Variants in SLCO1C1 observed in about 807,000 individuals in gnomAD.
The protein encoded by SLCO1C1 is OAT-RP-5.
SLCO1C1 carries 70 observed loss-of-function variants against 76.4 expected under a neutral mutation model. The observed-to-expected ratio is 0.92, with a 90% CI of 0.76 to 1.12. The LOEUF is 1.12. Among genes scored for constraint, SLCO1C1 ranks in the 50% most tolerant of loss-of-function variants. The pLI, the probability that SLCO1C1 is intolerant of heterozygous loss-of-function variation, is 0.00. For missense variants in SLCO1C1, 912 were observed against 823.8 expected, an observed-to-expected ratio of 1.11 and a Z score of -1.31; for synonymous variants, 306 against 286.1, an observed-to-expected ratio of 1.07 and a Z score of -0.70.
chr12:20,742,333 G>GTTT (rs56873865), intron 12 of SLCO1C1, among the ~76,000 whole-genome samples: 35 of 145,108 alleles, frequency 2.4e-4, no homozygotes, highest in Non-Finnish European at 3.8e-4. Flanking sequence ...GAAAAGTCAT[G>GTTT]TTTTTTTTTT....
Position 20,721,893 on chromosome 12 carries a change from G to C in SLCO1C1, c.865G>C (p.Ala289Pro). 1 of 1,614,134 alleles carries C rather than the reference G, an allele frequency of 6.2e-7. No homozygotes were observed. ...LIAGIISLLA[A>P]VPFWYLPKSL... ...AGCAGGAATCATAAGTCTTCTTGCA[G>C]CTGTGCCTTTCTGGTATTTACCAAA... Residue 289 changes from alanine (A) to proline (P), a missense_variant, in exon 8 of 15, where the codon GCT becomes CCT. By Grantham distance (27) the Ala-to-Pro change is conservative (BLOSUM62 -1). Transcript: ENST00000266509.
chr12:20,701,223 T>G, intron 2 of SLCO1C1, 95 bp from the exon 3 acceptor site: 2 of 1,205,382 alleles, frequency 1.7e-6, no homozygotes, highest in Non-Finnish European at 2.2e-6. Flanking sequence ...ACATTGTTCT[T>G]TGTTGTTTGT....
intron 4 of SLCO1C1, 151 bp downstream of exon 4, chr12:20,706,232 AT>A: frequency 3.9e-6 from 4 of 1,015,466 alleles, no homozygotes; most frequent in Non-Finnish European, 5.4e-6. Flanking sequence ...TTTCACAACA[AT>A]TTTATAATTT....
At chr12:20,712,599 ATTG>A (rs1409524208) in intron 5 of SLCO1C1, among the ~76,000 whole-genome samples, 2 of 152,172 alleles carry the variant, frequency 1.3e-5, no homozygotes, top group African/African-American at 4.8e-5. Flanking sequence ...GAGGAACCAC[ATTG>A]TATACAGGCA....
chr12:20,702,600 C>T (rs949288770), intron 3 of SLCO1C1, among the ~76,000 whole-genome samples: 3 of 151,840 alleles, frequency 2.0e-5, no homozygotes, highest in Non-Finnish European at 2.9e-5. Flanking sequence ...GTTTCCAAAA[C>T]ATCTGATCAC....
intron 4 of SLCO1C1, among the ~76,000 whole-genome samples, chr12:20,707,734 G>GT (rs1946851903): frequency 6.6e-6 from 1 of 151,990 alleles, no homozygotes; most frequent in Non-Finnish European, 1.5e-5. Flanking sequence ...ACCAGCAATG[G>GT]TTTTGTCTTA....
In SLCO1C1 at chr12:20,753,335, T is replaced by G. The variant is rs1949392363; in HGVS notation, c.*807T>G. ...ACACGACGTGTTCCTAAAACATGTTTGAAAGGTGAATTTCTGAAAGTCTAC... is the reference window on the plus strand; with the variant it reads ...ACACGACGTGTTCCTAAAACATGTTGGAAAGGTGAATTTCTGAAAGTCTAC... On this transcript the variant is annotated 3_prime_UTR_variant, in exon 15 of 15. Coordinates refer to ENST00000266509, the MANE Select transcript of SLCO1C1 (RefSeq NM_017435.5). 6.6e-6 allele frequency: 1 copy of G among 152,188 alleles called. No individual in the cohort carries two copies. The highest frequency in any genetic ancestry group is 2.1e-4 in the South Asian group (1 of 4,830). 9.4% of individuals were successfully genotyped at this position (152,188 alleles called of 1,614,324 possible).
intron 5 of SLCO1C1, among the ~76,000 whole-genome samples, chr12:20,711,972 G>A (rs551663609): frequency 6.6e-6 from 1 of 152,282 alleles, no homozygotes; most frequent in South Asian, 2.1e-4. Flanking sequence ...ATTCTAGGGA[G>A]CTTACATAAG....
chr12:20,709,697 A>C lies in SLCO1C1; in HGVS notation c.405-1689A>C, dbSNP rs1310961256. 6.2e-5 allele frequency among the ~76,000 whole-genome samples: 4 copies of C among 64,888 alleles called. 2 individuals are homozygous for C. The highest frequency in any genetic ancestry group is 1.0e-4 in the African/African-American group (2 of 19,908). 42.6% of individuals were successfully genotyped at this position (64,888 alleles called of 152,430 possible). On this transcript the variant is annotated intron_variant, in intron 4 of 14. Transcript: ENST00000266509. ...GAGATCGAGACCATCCTGGCTAACAAGGTGAAACCCCGTCTCTACTAAAAA... is the reference window on the plus strand; with the variant it reads ...GAGATCGAGACCATCCTGGCTAACACGGTGAAACCCCGTCTCTACTAAAAA...
chr12:20,749,253 A>G (rs554632659), intron 13 of SLCO1C1, among the ~76,000 whole-genome samples: 6 of 152,218 alleles, frequency 3.9e-5, no homozygotes, highest in Non-Finnish European at 7.3e-5. Context: ...TTTATAACAG[A>G]AGAAAACATA....
At chr12:20,716,642 T>A (rs1320671963) in intron 6 of SLCO1C1, among the ~76,000 whole-genome samples, 1 of 152,188 alleles carries the variant, frequency 6.6e-6, no homozygotes, top group East Asian at 1.9e-4. Flanking sequence ...CTTTGCTAGC[T>A]GCATCTGGGG....
intron 4 of SLCO1C1, among the ~76,000 whole-genome samples, chr12:20,706,358 G>A (rs1203629754): frequency 6.6e-6 from 1 of 151,936 alleles, no homozygotes. Flanking sequence ...TTAGCTGTAG[G>A]GGCAAAATAT....
At chr12:20,733,174 A>C in intron 10 of SLCO1C1, 70 bp downstream of exon 10, 1 of 1,391,988 alleles carries the variant, frequency 7.2e-7, no homozygotes, top group Non-Finnish European at 9.6e-7. Context: ...GTGGAGTTGC[A>C]AAAAAGGAAT....
At position 20,733,039 on chromosome 12, in the gene SLCO1C1, T is replaced by C; in HGVS notation, c.1317T>C (p.Phe439=). 6.2e-7 allele frequency: 1 copy of C among 1,613,392 alleles called. No homozygotes were observed. Among genetic ancestry groups the C allele is most frequent in the Non-Finnish European group, 8.5e-7 (1 of 1,179,688 alleles). ...CATCTGTCTTTGGTTACCTCCTATT[T>C]CTTTCCCTGTTTGCACTGGGCTGTG... ...LGSSVFGYLL[F]LSLFALGCEN... Residue 439 remains phenylalanine (F), a synonymous_variant, in exon 10 of 15, where the codon TTT becomes TTC. Coordinates refer to ENST00000266509, the MANE Select transcript of SLCO1C1 (RefSeq NM_017435.5).
intron 1 of SLCO1C1, chr12:20,697,466 C>G (rs528586504): frequency 6.6e-6 from 1 of 151,918 alleles, no homozygotes; most frequent in Admixed American, 6.6e-5. Context: ...TTTCCCAAAC[C>G]CTGTTTTCCT....
intron 3 of SLCO1C1, among the ~76,000 whole-genome samples, chr12:20,702,199 A>G (rs1050949203): frequency 6.6e-6 from 1 of 151,966 alleles, no homozygotes; most frequent in Admixed American, 6.6e-5. Context: ...ATTCAGATAT[A>G]CACCATAGTA....
intron 10 of SLCO1C1, among the ~76,000 whole-genome samples, chr12:20,736,832 G>A (rs1948569148): frequency 1.3e-5 from 2 of 152,082 alleles, no homozygotes; most frequent in Non-Finnish European, 2.9e-5. Context: ...AAGTATATTA[G>A]AAGATCCTAG....
intron 7 of SLCO1C1, among the ~76,000 whole-genome samples, chr12:20,719,100 C>CGAT (rs1555126211): frequency 6.9e-6 from 1 of 145,652 alleles, no homozygotes. Context: ...CAAGCTTTTA[C>CGAT]TATTATTATT....
rs781414082 is a variant in SLCO1C1 at position 20,750,761 on chromosome 12, T to A, written c.1885T>A (p.Ser629Thr). 1 of 1,614,046 alleles carries A rather than the reference T, an allele frequency of 6.2e-7. No homozygotes were observed. Among genetic ancestry groups the A allele is most frequent in the East Asian group, 2.2e-5 (1 of 44,854 alleles). Residue 629 changes from serine to threonine, a missense_variant, in exon 14 of 15, where the codon TCA (serine) becomes ACA (threonine). By Grantham distance (58) the Ser-to-Thr change is moderately conservative (BLOSUM62 1). Transcript: ENST00000266509. Reference sequence around the variant, plus strand: ...ATTTAAAAGATGTGGAAGTAGAGGATCATGCAGATTATATGATTCAAATGT... The same window carrying A: ...ATTTAAAAGATGTGGAAGTAGAGGAACATGCAGATTATATGATTCAAATGT... ...WGFKRCGSRG[S>T]CRLYDSNVFR...
Sources: gnomAD v4.1 joint callset for allele counts (sites outside exome capture counted in the v4.1 genomes callset) on GRCh38, gnomAD v4.1.1 for gene constraint, MANE v1.5 for transcripts, NCBI Gene and HGNC (gene_info 2026-07-23, HGNC 2026-07-21) for gene names.